The following NPHP4 variants were observed in gnomAD, a reference collection of about 807,000 sequenced individuals.
The protein encoded by NPHP4 is nephrocystin-4.
NPHP4 carries 151 observed loss-of-function variants against 155.8 expected under a neutral mutation model. The observed-to-expected ratio is 0.97, with a 90% confidence interval of 0.85 to 1.11. The LOEUF (loss-of-function observed/expected upper bound fraction) is 1.11. Ranked by LOEUF, NPHP4 falls within the 50% of genes least tolerant of loss-of-function variation. NPHP4 has a pLI of 0.00. For synonymous variants in NPHP4, 845 were observed against 816.8 expected, an observed-to-expected ratio of 1.03 and a Z score of -0.59; for missense variants, 1,956 against 1,925.7, an observed-to-expected ratio of 1.02 and a Z score of -0.29.
At position 5,863,137 on chromosome 1, in the gene NPHP4, T is replaced by C; in HGVS notation, c.*128A>G. ...CTCGGTCTCTGCTTCCTCAGCCAAGTGCACAGGTCAGCCAGGTGGGCACTG... is the reference window on the plus strand; with the variant it reads ...CTCGGTCTCTGCTTCCTCAGCCAAGCGCACAGGTCAGCCAGGTGGGCACTG... On this transcript the variant is annotated 3_prime_UTR_variant, in exon 30 of 30. Transcript: ENST00000378156. 1.0e-6 allele frequency: 1 copy of C among 980,114 alleles called. No individual in the cohort carries two copies. The highest frequency in any genetic ancestry group is 1.6e-6 in the Non-Finnish European group (1 of 617,544). 60.7% of individuals were successfully genotyped at this position (980,114 alleles called of 1,614,324 possible). A position where few individuals can be genotyped will look rare whatever the true frequency, so the allele number is the denominator to read the frequency against.
rs946609713 is a variant in NPHP4 at position 5,953,469 on chromosome 1, C to T, written c.674-633G>A. On this transcript the variant is annotated intron_variant, in intron 6 of 29. Coordinates refer to ENST00000378156, the MANE Select transcript of NPHP4 (RefSeq NM_015102.5). ...ATTGGAGAAGGCAAAGTGACACGTG[C>T]GGCCCTGCAGCCTGCTGCCCGGCAT... 4.6e-5 allele frequency among the ~76,000 whole-genome samples: 7 copies of T among 152,200 alleles called. No homozygotes were observed. In the South Asian group the frequency reaches 8.3e-4, roughly 18 times the overall value.
chr1:5,987,427 A>G (rs1557898777), intron 1 of NPHP4, among the ~76,000 whole-genome samples: 3 of 152,060 alleles, frequency 2.0e-5, no homozygotes, highest in African/African-American at 7.2e-5. Flanking sequence ...AACTATTTTC[A>G]TGACACCCAG....
chr1:5,866,386 CAAAG>C lies in NPHP4; in HGVS notation c.3627_3630del (p.Phe1209LeufsTer36). On this transcript the variant is annotated frameshift_variant, in exon 26 of 30. Coordinates refer to ENST00000378156, the MANE Select transcript of NPHP4 (RefSeq NM_015102.5). LOFTEE classifies it high-confidence loss of function. ...CTGTGCACTTACGAGTAAATGATGA[CAAAG>C]AAGTCTTTGATCTCCGGGCTTGGAC... is the stretch of plus-strand genomic sequence containing the variant. The C allele has an allele frequency of 6.2e-7, 1 of 1,607,102 alleles. No homozygotes were observed. Among genetic ancestry groups the C allele is most frequent in the Non-Finnish European group, 8.5e-7 (1 of 1,175,648 alleles).
Position 5,867,107 on chromosome 1 carries a change from C to T in NPHP4, c.3481G>A (p.Val1161Met), listed in dbSNP as rs1380339195. The part of the protein sequence containing the change: ...PPWHTFPGAP[V>M]GMLGEDPPVH... ...GGGGGGTCCTCACCAAGCATTCCCACCGGAGCACCTGGAGCAGGGGAAATG... is the reference window on the plus strand; with the variant it reads ...GGGGGGTCCTCACCAAGCATTCCCATCGGAGCACCTGGAGCAGGGGAAATG... Residue 1161 changes from valine to methionine, a missense_variant, in exon 25 of 30, where the codon GTG (valine) becomes ATG (methionine). Physicochemically the swap from Val to Met is conservative, Grantham distance 21 (BLOSUM62 1). Transcript: ENST00000378156. This position sits in a 1 kb window ranked among gnomAD's most constrained non-coding sequence, Gnocchi z 4.1. 3 of 1,611,936 alleles carry T rather than the reference C, an allele frequency of 1.9e-6. No homozygotes were observed. The highest frequency in any genetic ancestry group is 2.5e-6 in the Non-Finnish European group (3 of 1,178,980).
chr1:5,967,662 G>C (rs569128355), intron 4 of NPHP4, among the ~76,000 whole-genome samples: 1 of 152,344 alleles, frequency 6.6e-6, no homozygotes, highest in East Asian at 1.9e-4. Context: ...GACAACATCT[G>C]AGGAATTTCC....
intron 2 of NPHP4, among the ~76,000 whole-genome samples, chr1:5,983,656 T>C (rs528517633): frequency 1.1e-4 from 16 of 152,326 alleles, no homozygotes; most frequent in Admixed American, 8.5e-4. Flanking sequence ...GACTACATGC[T>C]GAGTCATGTG....
intron 5 of NPHP4, among the ~76,000 whole-genome samples, chr1:5,962,479 G>T (rs1360001141): frequency 6.6e-6 from 1 of 152,216 alleles, no homozygotes; most frequent in East Asian, 1.9e-4. Flanking sequence ...GGGGCCTGGA[G>T]GACACCCTGG....
At chr1:5,876,167 C>A (rs1266129875) in intron 20 of NPHP4, 1 of 148,822 alleles carries the variant, frequency 6.7e-6, no homozygotes, top group African/African-American at 2.5e-5. Context: ...GCTGACAGAG[C>A]TAAGGTTATC....
At chr1:5,945,239 A>G (rs1647031012) in intron 9 of NPHP4, among the ~76,000 whole-genome samples, 1 of 150,346 alleles carries the variant, frequency 6.7e-6, no homozygotes, top group Admixed American at 6.6e-5. Context: ...ACCACACATC[A>G]GCCATCAGGC....
chr1:5,949,221 A>G (rs938384974), intron 7 of NPHP4, among the ~76,000 whole-genome samples: 4 of 152,164 alleles, frequency 2.6e-5, no homozygotes, highest in Admixed American at 6.5e-5. Context: ...AACTACACCA[A>G]GGAAACGGAT....
At chr1:5,922,739 G>A (rs1351309202) in intron 11 of NPHP4, among the ~76,000 whole-genome samples, 2 of 149,264 alleles carry the variant, frequency 1.3e-5, no homozygotes, top group African/African-American at 4.9e-5. Flanking sequence ...CTGCAGTCCT[G>A]GCTTAGCCGG....
At chr1:5,887,703 T>C (rs1048446756) in intron 17 of NPHP4, among the ~76,000 whole-genome samples, 6 of 152,172 alleles carry the variant, frequency 3.9e-5, no homozygotes, top group Admixed American at 3.9e-4. Context: ...TTAAGTAAAG[T>C]ATGACTGGAT....
At chr1:5,935,924 T>C (rs1243423732) in intron 9 of NPHP4, among the ~76,000 whole-genome samples, 1 of 152,196 alleles carries the variant, frequency 6.6e-6, no homozygotes, top group African/African-American at 2.4e-5. Flanking sequence ...AACTTGTCAC[T>C]ATAAGGATTC....
chr1:5,985,820 T>C (rs1655394518), intron 2 of NPHP4, among the ~76,000 whole-genome samples: 1 of 152,188 alleles, frequency 6.6e-6, no homozygotes, highest in Non-Finnish European at 1.5e-5. Flanking sequence ...AAGTTGAAAA[T>C]GTCATAAGTT....
chr1:5,896,496 T>C (rs1644401670), intron 16 of NPHP4, among the ~76,000 whole-genome samples: 1 of 152,120 alleles, frequency 6.6e-6, no homozygotes, highest in Non-Finnish European at 1.5e-5. Context: ...ACATCAGCAG[T>C]GTCATTGTGA....
At chr1:5,934,527 T>C (rs1424429085) in intron 9 of NPHP4, among the ~76,000 whole-genome samples, 1 of 152,146 alleles carries the variant, frequency 6.6e-6, no homozygotes. Flanking sequence ...AGTGCTCCAC[T>C]TGCTACGGCT....
intron 5 of NPHP4, among the ~76,000 whole-genome samples, chr1:5,965,446 C>G (rs1362177417): frequency 6.6e-6 from 1 of 152,134 alleles, no homozygotes; most frequent in Admixed American, 6.5e-5. Context: ...TCTCAGGATA[C>G]TTCTGGACAG....
At chr1:5,897,527 G>C (rs189981526) in intron 16 of NPHP4, among the ~76,000 whole-genome samples, 1 of 152,162 alleles carries the variant, frequency 6.6e-6, no homozygotes, top group Admixed American at 6.5e-5. Flanking sequence ...GTCGCTCCCG[G>C]CATTCAAGAA....
chr1:5,892,274 C>A lies in NPHP4; in HGVS notation c.2144-1246G>T, dbSNP rs148934861. The stretch of plus-strand genomic sequence containing the variant: ...AGGTACCGGGATCATCCCACTGGGG[C>A]TTGTCGGACAGTGGGTGAGAGTTGG... On this transcript the variant is annotated intron_variant, in intron 16 of 29. Coordinates refer to ENST00000378156, the MANE Select transcript of NPHP4 (RefSeq NM_015102.5). The surrounding 1 kb of genome is among the most constrained non-coding windows in gnomAD (Gnocchi z 4.5). 6.6e-6 allele frequency among the ~76,000 whole-genome samples: 1 copy of A among 152,274 alleles called. No homozygotes were observed. The highest frequency in any genetic ancestry group is 1.9e-4 in the East Asian group (1 of 5,176).
Sources: gnomAD v4.1 joint callset for allele counts (sites outside exome capture counted in the v4.1 genomes callset) on GRCh38, gnomAD v4.1.1 for gene constraint, Gnocchi (gnomAD v3.1) non-coding constraint, MANE v1.5 for transcripts, NCBI Gene and HGNC (gene_info 2026-07-23, HGNC 2026-07-21) for gene names.